The following MGAT5 variants were observed in gnomAD, a reference collection of about 807,000 sequenced individuals.
MGAT5 encodes the protein alpha-1,6-mannosylglycoprotein 6-beta-N-acetylglucosaminyltransferase A.
Under a neutral mutation model 94.3 loss-of-function variants are expected in MGAT5, and 30 were observed. The observed-to-expected ratio is 0.32, with a 90% CI of 0.24 to 0.43. The LOEUF is 0.43. Among genes scored for constraint, MGAT5 ranks in the 20% least tolerant of loss-of-function variants. The pLI is 1.00. For synonymous variants in MGAT5, 310 were observed against 322.9 expected (o/e 0.96, Z 0.43); for missense variants, 691 against 905.5 (o/e 0.76, Z 3.04).
intron 1 of MGAT5, among the ~76,000 whole-genome samples, chr2:134,170,653 CT>C (rs1688159640): frequency 6.6e-6 from 1 of 152,166 alleles, no homozygotes; most frequent in Non-Finnish European, 1.5e-5. Context: ...CAACAGTCAG[CT>C]TGAAGGTGGA....
rs1683620501 is a variant in MGAT5, at chr2:134,411,001, G to A, written c.1531-1868G>A. 2.0e-5 allele frequency among the ~76,000 whole-genome samples: 3 copies of A among 152,314 alleles called. No individual in the cohort carries two copies. The South Asian group carries it at 6.2e-4, about 32-fold the overall frequency. On this transcript the variant is annotated intron_variant, in intron 11 of 15. Transcript: ENST00000281923. Reference sequence around the variant, plus strand: ...ATCCTCTCCAAAGTCTGATAGGAGAGGGCAAATCAGAGATCACAAGTCTGG... The same window carrying A: ...ATCCTCTCCAAAGTCTGATAGGAGAAGGCAAATCAGAGATCACAAGTCTGG...
chr2:134,275,578 CTTTT>C lies in MGAT5; in HGVS notation c.406+5050_406+5053del, dbSNP rs11409592. On this transcript the variant is annotated intron_variant, in intron 2 of 15. Transcript: ENST00000281923. ...TTCACAAATGAAGAGGTGCTATTTC[CTTTT>C]TTTTTTTTTTTTTTTTTTTTTGAGA... Among the ~76,000 whole-genome samples, 32 of 79,582 alleles carry C rather than the reference CTTTT, an allele frequency of 4.0e-4. No homozygotes were observed. In the East Asian group the frequency reaches 8.9e-3, roughly 22 times the overall value. The allele number at this position is 79,582 out of a possible 152,430, so 52.2% of individuals were successfully genotyped here.
intron 4 of MGAT5, 29 bp from the exon 5 acceptor site, chr2:134,336,188 G>T: frequency 6.3e-7 from 1 of 1,577,172 alleles, no homozygotes. Flanking sequence ...AGATGAAGCT[G>T]CATATTTAGT....
chr2:134,198,959 A>G (rs1160080544), intron 1 of MGAT5, among the ~76,000 whole-genome samples: 2 of 152,238 alleles, frequency 1.3e-5, no homozygotes, highest in Admixed American at 1.3e-4. Flanking sequence ...GTGTTGTTAC[A>G]TAGCTCCCTT....
intron 1 of MGAT5, among the ~76,000 whole-genome samples, chr2:134,200,322 C>G (rs1387093878): frequency 6.6e-6 from 1 of 152,136 alleles, no homozygotes; most frequent in Non-Finnish European, 1.5e-5. Flanking sequence ...ATACTTCAGA[C>G]AGGGATGTCT....
chr2:134,347,607 A>G lies in MGAT5; in HGVS notation c.1113-2198A>G, dbSNP rs141042302. Reference sequence around the variant, plus strand: ...ATATCTGAAGGAAAAAGATAACAATACAATAATAAAAATACAAATATGATA... The same window carrying G: ...ATATCTGAAGGAAAAAGATAACAATGCAATAATAAAAATACAAATATGATA... On this transcript the variant is annotated intron_variant, in intron 8 of 15. Coordinates refer to ENST00000281923, the MANE Select transcript of MGAT5 (RefSeq NM_002410.5). Among the ~76,000 whole-genome samples, 48 of 152,354 alleles carry G rather than the reference A, an allele frequency of 3.2e-4. No individual in the cohort carries two copies. The East Asian group carries it at 9.1e-3, about 29-fold the overall frequency.
At chr2:134,189,610 T>G (rs1466809736) in intron 1 of MGAT5, among the ~76,000 whole-genome samples, 1 of 135,584 alleles carries the variant, frequency 7.4e-6, no homozygotes, top group East Asian at 2.1e-4. Flanking sequence ...TTGTTTTTTT[T>G]TTTTTTTTTT....
At chr2:134,196,021 C>G (rs1304063532) in intron 1 of MGAT5, among the ~76,000 whole-genome samples, 1 of 152,160 alleles carries the variant, frequency 6.6e-6, no homozygotes. Flanking sequence ...TCAGGATGAT[C>G]CTCATGAAAC....
chr2:134,247,372 A>AC (rs1553501118), intron 1 of MGAT5, among the ~76,000 whole-genome samples: 1 of 148,600 alleles, frequency 6.7e-6, no homozygotes, highest in Non-Finnish European at 1.5e-5. Flanking sequence ...AAAAAAAAAA[A>AC]AACAAAAAAA....
intron 11 of MGAT5, among the ~76,000 whole-genome samples, chr2:134,410,454 C>T (rs933734569): frequency 5.3e-5 from 8 of 152,162 alleles, no homozygotes; most frequent in African/African-American, 1.4e-4. Context: ...AACTCATTGC[C>T]AGGAAATTAT....
intron 1 of MGAT5, among the ~76,000 whole-genome samples, chr2:134,162,483 G>T (rs1404139848): frequency 1.3e-5 from 2 of 152,212 alleles, no homozygotes; most frequent in African/African-American, 2.4e-5. Flanking sequence ...TGCTGACTAT[G>T]TACTGGGAAC....
intron 11 of MGAT5, among the ~76,000 whole-genome samples, chr2:134,410,926 C>A (rs1194635105): frequency 6.6e-6 from 1 of 152,162 alleles, no homozygotes; most frequent in Non-Finnish European, 1.5e-5. Context: ...TATCTTATGC[C>A]CAACCACGGC....
At position 134,345,238 on chromosome 2, in the gene MGAT5, G is replaced by A. The variant is rs181057061; in HGVS notation, c.1112+174G>A. Among the ~76,000 whole-genome samples the A allele has an allele frequency of 1.5e-3, 224 of 152,182 alleles. 1 individual carries two copies. The highest frequency in any genetic ancestry group is 6.8e-3 in the Middle Eastern group (2 of 294). On this transcript the variant is annotated intron_variant, in intron 8 of 15. Transcript: ENST00000281923. ...GACTTTGTACTTTCTATGGCTATTC[G>A]TTATTTTCATTGGTTTCTTAGAAAA...
At chr2:134,185,406 G>A (rs1411443903) in intron 1 of MGAT5, among the ~76,000 whole-genome samples, 1 of 152,148 alleles carries the variant, frequency 6.6e-6, no homozygotes, top group East Asian at 1.9e-4. Context: ...TTGACGTTGA[G>A]CTGATTACTT....
At chr2:134,171,855 C>T (rs907217420) in intron 1 of MGAT5, among the ~76,000 whole-genome samples, 2 of 152,054 alleles carry the variant, frequency 1.3e-5, no homozygotes, top group African/African-American at 4.8e-5. Context: ...TTGCTCTTGT[C>T]GGGGAGAGGG....
In MGAT5 at chr2:134,428,444, G is replaced by C. The variant is rs774371211; in HGVS notation, c.1869+5G>C. ...AATGCTTTCATTGAAAAACAGGTAA[G>C]GCTTATCAGAAGTCAGTCTGTCTTT... On this transcript the variant is annotated splice_donor_5th_base_variant and intron_variant, in intron 14 of 15. Transcript: ENST00000281923. The C allele has an allele frequency of 1.2e-5, 20 of 1,613,086 alleles. No individual in the cohort carries two copies. The highest frequency in any genetic ancestry group is 1.5e-5 in the Non-Finnish European group (18 of 1,179,480).
chr2:134,273,441 C>T (rs1387352018), intron 2 of MGAT5, among the ~76,000 whole-genome samples: 1 of 152,176 alleles, frequency 6.6e-6, no homozygotes, highest in Admixed American at 6.5e-5. Flanking sequence ...GAAATGTTCT[C>T]CCTGGTGTGT....
At chr2:134,333,474 A>G (rs931503123) in intron 4 of MGAT5, among the ~76,000 whole-genome samples, 2 of 150,774 alleles carry the variant, frequency 1.3e-5, no homozygotes, top group Non-Finnish European at 3.0e-5. Context: ...TAGGAGATAT[A>G]TCTAATGCTA....
chr2:134,344,192 C>G (rs1688793631), intron 7 of MGAT5, among the ~76,000 whole-genome samples: 1 of 152,136 alleles, frequency 6.6e-6, no homozygotes, highest in Non-Finnish European at 1.5e-5. Flanking sequence ...ATGAAGTTGG[C>G]CTACCAATCA....
Sources: allele counts gnomAD v4.1 joint callset (sites outside exome capture counted in the v4.1 genomes callset), GRCh38; gene constraint gnomAD v4.1.1; transcripts MANE v1.5; gene names NCBI Gene and HGNC (gene_info 2026-07-23, HGNC 2026-07-21).